ATP13A3: variants seen among roughly 807,000 people sequenced by gnomAD.
ATP13A3 encodes the protein ATPase 13A3.
A neutral mutation model predicts 158.1 loss-of-function variants in ATP13A3; 59 were observed. The ratio of observed to expected loss-of-function variants is 0.37; its 90% CI spans 0.30 to 0.46. The LOEUF (loss-of-function observed/expected upper bound fraction) is 0.46, where lower values mean the gene tolerates loss of function less well. Among genes scored for constraint, ATP13A3 ranks in the 20% least tolerant of loss-of-function variants. The pLI, the probability that ATP13A3 is intolerant of heterozygous loss-of-function variation, is 1.00. For synonymous variants in ATP13A3, 491 were observed against 504.3 expected (o/e 0.97, Z 0.35); for missense variants, 1,166 against 1,525.2 (o/e 0.76, Z 3.92).
At chr3:194,483,239 G>C (rs763866684) in intron 2 of ATP13A3, among the ~76,000 whole-genome samples, 1 of 151,722 alleles carries the variant, frequency 6.6e-6, no homozygotes, top group East Asian at 1.9e-4. Context: ...AGCCATGATC[G>C]TGCCACTACA....
intron 2 of ATP13A3, among the ~76,000 whole-genome samples, chr3:194,469,722 C>T (rs1720212681): frequency 6.6e-6 from 1 of 152,090 alleles, no homozygotes; most frequent in African/African-American, 2.4e-5. Context: ...TCTTTAAAGA[C>T]CACACAAGCC....
At position 194,455,565 on chromosome 3, in the gene ATP13A3, T is replaced by A. The variant is rs142636638; in HGVS notation, c.630+328A>T. ...TTACATGGCCACTCCCAGGAACTGA[T>A]GAAAAACAATCTTACTTCTACTCCT... On this transcript the variant is annotated intron_variant, in intron 8 of 33. Transcript: ENST00000645319. Among the ~76,000 whole-genome samples the A allele has an allele frequency of 3.3e-5, 5 of 152,270 alleles. No individual in the cohort carries two copies. In the East Asian group the frequency reaches 7.7e-4, roughly 23 times the overall value.
chr3:194,444,501 A>C (rs1282341358), intron 15 of ATP13A3, among the ~76,000 whole-genome samples: 1 of 152,214 alleles, frequency 6.6e-6, no homozygotes, highest in Non-Finnish European at 1.5e-5. Flanking sequence ...AAATAATTTC[A>C]GAATGGCAGT....
upstream of ATP13A3, among the ~76,000 whole-genome samples, chr3:194,490,883 C>T (rs928410748): frequency 2.6e-5 from 4 of 152,216 alleles, no homozygotes; most frequent in East Asian, 7.7e-4. This position sits in a 1 kb window ranked among gnomAD's most constrained non-coding sequence, Gnocchi z 4.4. Context: ...TGGTGGCTCA[C>T]GCCTTTAATC....
At chr3:194,455,090 CT>C (rs1359203251) in intron 8 of ATP13A3, among the ~76,000 whole-genome samples, 1 of 152,140 alleles carries the variant, frequency 6.6e-6, no homozygotes, top group African/African-American at 2.4e-5. Flanking sequence ...AAAATGTTTG[CT>C]TACTATAAAC....
Position 194,430,295 on chromosome 3 carries a change from C to G in ATP13A3, c.2645G>C (p.Gly882Ala), listed in dbSNP as rs1717124005. 1.2e-6 allele frequency: 2 copies of G among 1,613,790 alleles called. No homozygotes were observed. The highest frequency in any genetic ancestry group is 1.7e-6 in the Non-Finnish European group (2 of 1,179,792). The change falls in exon 25 of 34, where the codon GGT becomes GCT. Residue 882 changes from glycine to alanine, a missense_variant. Gly to Ala is a moderately conservative substitution (Grantham distance 60). Coordinates refer to ENST00000645319, the MANE Select transcript of ATP13A3 (RefSeq NM_001367549.1). ...QNVDYFVGMC[G>A]DGANDCGALK... ...TACACCACAATCATTTGCGCCATCA[C>G]CACACATCCCAACAAAATAACTAAG...
At chr3:194,411,801 T>C (rs1434349214) in intron 33 of ATP13A3, among the ~76,000 whole-genome samples, 2 of 152,212 alleles carry the variant, frequency 1.3e-5, no homozygotes, top group African/African-American at 2.4e-5. Flanking sequence ...ACAGTTTTCA[T>C]TGCAAACTTT....
chr3:194,444,940 T>A (rs994670346), intron 14 of ATP13A3, among the ~76,000 whole-genome samples, 154 bp from the exon 15 acceptor site: 1 of 151,758 alleles, frequency 6.6e-6, no homozygotes, highest in Non-Finnish European at 1.5e-5. Context: ...ACAGGCAAGA[T>A]CCCTGACAGA....
chr3:194,419,426 T>G (rs568021116), intron 31 of ATP13A3, among the ~76,000 whole-genome samples: 1 of 152,286 alleles, frequency 6.6e-6, no homozygotes, highest in Non-Finnish European at 1.5e-5. Context: ...TGTTATCTCT[T>G]TACTATTTTT....
At position 194,448,792 on chromosome 3, in the gene ATP13A3, C is replaced by A. The variant is rs1184464432; in HGVS notation, c.971-156G>T. On this transcript the variant is annotated intron_variant, in intron 11 of 33. Coordinates refer to ENST00000645319, the MANE Select transcript of ATP13A3 (RefSeq NM_001367549.1). The surrounding 1 kb of genome is among the most constrained non-coding windows in gnomAD (Gnocchi z 4.0). ...CACTGAGAGTTGTATATGTGGACAACATGGCTTAATTTTTTGTCTACCAAT... is the reference window on the plus strand; with the variant it reads ...CACTGAGAGTTGTATATGTGGACAAAATGGCTTAATTTTTTGTCTACCAAT... Among the ~76,000 whole-genome samples, 2 of 152,174 alleles carry A rather than the reference C, an allele frequency of 1.3e-5. No homozygotes were observed. Among genetic ancestry groups the A allele is most frequent in the African/African-American group, 4.8e-5 (2 of 41,422 alleles).
At chr3:194,464,597 G>C (rs1445996474) in intron 2 of ATP13A3, among the ~76,000 whole-genome samples, 1 of 152,180 alleles carries the variant, frequency 6.6e-6, no homozygotes, top group African/African-American at 2.4e-5. Context: ...AATGTGTAAA[G>C]TAATAACACC....
chr3:194,461,317 A>G lies in ATP13A3; in HGVS notation c.52-486T>C, dbSNP rs997314568. 5.3e-5 allele frequency among the ~76,000 whole-genome samples: 8 copies of G among 152,292 alleles called. No homozygotes were observed. The East Asian group carries it at 1.2e-3, about 22-fold the overall frequency. Reference sequence around the variant, plus strand: ...CTAATGTTTTAACATTTCCTGGTACATTTGTTAAGAATTAATAGATTAACA... The same window carrying G: ...CTAATGTTTTAACATTTCCTGGTACGTTTGTTAAGAATTAATAGATTAACA... On this transcript the variant is annotated intron_variant, in intron 3 of 33. Transcript: ENST00000645319.
chr3:194,489,660 G>C (rs1163040956), upstream of ATP13A3, among the ~76,000 whole-genome samples: 1 of 152,098 alleles, frequency 6.6e-6, no homozygotes, highest in Non-Finnish European at 1.5e-5. The surrounding 1 kb of genome is among the most constrained non-coding windows in gnomAD (Gnocchi z 4.1). Context: ...CCCAGAATTC[G>C]AGGTGCAGCC....
rs1714774851 is a variant in ATP13A3, at chr3:194,403,962, A to AGATG, written c.*1953_*1956dup. 5 of 356,854 alleles carry AGATG rather than the reference A, an allele frequency of 1.4e-5. No individual in the cohort carries two copies. The highest frequency in any genetic ancestry group is 1.1e-4 in the African/African-American group (5 of 46,102). 22.1% of individuals were successfully genotyped at this position (356,854 alleles called of 1,614,324 possible). On this transcript the variant is annotated 3_prime_UTR_variant, in exon 34 of 34. Transcript: ENST00000645319. ...TAGCTCTTTATGATCATGCTCTTAAAGATGTTAAATACAATCGGATAATTG... is the reference window on the plus strand; with the variant it reads ...TAGCTCTTTATGATCATGCTCTTAAAGATGGATGTTAAATACAATCGGATAATTG...
rs1714842666 is a variant in ATP13A3, at chr3:194,405,082, G to A, written c.*837C>T. The A allele has an allele frequency of 6.6e-6, 1 of 152,122 alleles. No homozygotes were observed. Among genetic ancestry groups the A allele is most frequent in the African/African-American group, 2.4e-5 (1 of 41,424 alleles). 9.4% of individuals were successfully genotyped at this position (152,122 alleles called of 1,614,324 possible). On this transcript the variant is annotated 3_prime_UTR_variant, in exon 34 of 34. Transcript: ENST00000645319. ...CACAAAGCCTGACAGAAACAAATTT[G>A]AAGAAACGTTAAAAGATGAATCTAC...
intron 11 of ATP13A3, 119 bp downstream of exon 11, chr3:194,450,026 T>C: frequency 3.8e-6 from 4 of 1,057,940 alleles, no homozygotes; most frequent in Non-Finnish European, 5.5e-6. Flanking sequence ...ATCTCCAATA[T>C]CCAACATATT....
At chr3:194,465,994 AT>A in intron 2 of ATP13A3, among the ~76,000 whole-genome samples, 1 of 152,266 alleles carries the variant, frequency 6.6e-6, no homozygotes, top group South Asian at 2.1e-4. Context: ...AAAAAAAAAA[AT>A]TATAAACTTT....
intron 2 of ATP13A3, among the ~76,000 whole-genome samples, chr3:194,467,613 C>T (rs1577086608): frequency 1.3e-5 from 2 of 152,140 alleles, no homozygotes; most frequent in Admixed American, 6.5e-5. Flanking sequence ...CCCAAGAATT[C>T]ACTTTTCACA....
chr3:194,491,636 G>C (rs1487917597), upstream of ATP13A3, among the ~76,000 whole-genome samples: 6 of 42,316 alleles, frequency 1.4e-4, no homozygotes, highest in African/African-American at 4.8e-4. Context: ...CTCCATCTCT[G>C]ACCTGGCATG....
Sources: gnomAD v4.1 joint callset for allele counts (sites outside exome capture counted in the v4.1 genomes callset) on GRCh38, gnomAD v4.1.1 for gene constraint, Gnocchi (gnomAD v3.1) non-coding constraint, MANE v1.5 for transcripts, NCBI Gene and HGNC (gene_info 2026-07-23, HGNC 2026-07-21) for gene names.